Variants in SGCD observed in about 807,000 individuals in gnomAD.
SGCD encodes the protein sarcoglycan delta, also known as delta-sarcoglycan.
SGCD carries 18 observed loss-of-function variants against 36.6 expected under a neutral mutation model. The ratio of observed to expected loss-of-function variants is 0.49; its 90% confidence interval spans 0.34 to 0.73. The LOEUF (loss-of-function observed/expected upper bound fraction) is 0.73. Ranked by LOEUF, SGCD falls within the 30% of genes least tolerant of loss-of-function variation. The probability of loss-of-function intolerance (pLI) is 0.01; values close to 1 mark genes in which losing one functional copy is unlikely to be tolerated. For synonymous variants in SGCD, 133 were observed against 130.6 expected, an observed-to-expected ratio of 1.02 and a Z score of -0.12; for missense variants, 387 against 346.7, an observed-to-expected ratio of 1.12 and a Z score of -0.92.
intron 1 of SGCD, among the ~76,000 whole-genome samples, chr5:156,108,320 T>C (rs1761699094): frequency 6.6e-6 from 1 of 152,150 alleles, no homozygotes; most frequent in Non-Finnish European, 1.5e-5. Flanking sequence ...ATGTATAGGA[T>C]TTAACAGTTT....
At chr5:156,417,770 G>C (rs1215058335) in intron 3 of SGCD, among the ~76,000 whole-genome samples, 2 of 152,076 alleles carry the variant, frequency 1.3e-5, no homozygotes, top group Admixed American at 1.3e-4. Context: ...TAGAGGATTA[G>C]TGCTTCAACA....
intron 3 of SGCD, among the ~76,000 whole-genome samples, chr5:156,475,438 A>G (rs566539529): frequency 3.9e-5 from 6 of 152,290 alleles, no homozygotes; most frequent in Admixed American, 6.5e-5. Flanking sequence ...CAGAAGAGAA[A>G]AAGTATCTGC....
At chr5:156,326,565 C>A (rs894077835), upstream of SGCD, among the ~76,000 whole-genome samples, 1 of 152,168 alleles carries the variant, frequency 6.6e-6, no homozygotes, top group African/African-American at 2.4e-5. Flanking sequence ...AAATATTGCT[C>A]CCCCTCAAGC....
In SGCD at chr5:155,896,203, T is replaced by G. The variant is rs181810303; in HGVS notation, c.-282+25779T>G. ...TGCAATAGGAGAGAATGTGCTGGAA[T>G]GGACAGGCAAAGGATCAGAGTTCTA... On this transcript the variant is annotated intron_variant, in intron 1 of 9. Transcript: ENST00000517913. Among the ~76,000 whole-genome samples the G allele has an allele frequency of 2.6e-3, 400 of 152,308 alleles. 3 individuals are homozygous for G. Among genetic ancestry groups the G allele is most frequent in the African/African-American group, 8.1e-3 (336 of 41,576 alleles).
intron 1 of SGCD, among the ~76,000 whole-genome samples, chr5:155,966,732 A>C (rs575428428): frequency 1.4e-4 from 22 of 152,198 alleles, no homozygotes; most frequent in African/African-American, 5.3e-4. Context: ...AATTCACTGA[A>C]GTTGGTTAGC....
chr5:155,813,153 T>G, the SGCD span, among the ~76,000 whole-genome samples: 303 of 152,040 alleles, frequency 2.0e-3, 3 homozygotes, highest in African/African-American at 6.8e-3. Flanking sequence ...GTGGAGGGGA[T>G]GCGAGAGGAG....
intron 3 of SGCD, among the ~76,000 whole-genome samples, chr5:156,359,513 C>T (rs1039011683): frequency 6.6e-6 from 1 of 152,162 alleles, no homozygotes; most frequent in Non-Finnish European, 1.5e-5. Context: ...AAGCCACTTT[C>T]CTAAGGTTGC....
At chr5:156,201,368 T>A (rs555423744) in intron 3 of SGCD, among the ~76,000 whole-genome samples, 2 of 152,292 alleles carry the variant, frequency 1.3e-5, no homozygotes, top group East Asian at 3.9e-4. Flanking sequence ...GAAAGTATCA[T>A]CTTTGTGCAA....
intron 6 of SGCD, among the ~76,000 whole-genome samples, chr5:156,641,177 G>C (rs1460088812): frequency 6.6e-6 from 1 of 152,124 alleles, no homozygotes; most frequent in Non-Finnish European, 1.5e-5. Context: ...TGTTTCTAAG[G>C]CATTTCCTGT....
At chr5:156,148,676 C>T (rs1762764572) in intron 3 of SGCD, among the ~76,000 whole-genome samples, 1 of 152,096 alleles carries the variant, frequency 6.6e-6, no homozygotes. Context: ...ATTTCCGCAA[C>T]TGGTTACAGG....
intron 3 of SGCD, among the ~76,000 whole-genome samples, chr5:156,230,800 G>T (rs988686965): frequency 2.0e-5 from 3 of 152,112 alleles, no homozygotes; most frequent in Non-Finnish European, 4.4e-5. Flanking sequence ...TGGCTTTAGT[G>T]TCTTGCATAG....
At chr5:156,025,508 C>T (rs1318740667) in intron 1 of SGCD, among the ~76,000 whole-genome samples, 1 of 152,202 alleles carries the variant, frequency 6.6e-6, no homozygotes, top group Non-Finnish European at 1.5e-5. Context: ...TGTCTGTCTT[C>T]AAGATGGGTC....
Position 156,488,099 on chromosome 5 carries a change from T to TA in SGCD, c.193-20502_193-20501insA, listed in dbSNP as rs1491092802. On this transcript the variant is annotated intron_variant, in intron 3 of 8. Coordinates refer to ENST00000337851, the MANE Select transcript of SGCD (RefSeq NM_000337.6). Reference sequence around the variant, plus strand: ...AAGAACTTCTGAACTTGAAGACAGGTTTTTTTTTTTTTTTTTTTTTTTTTT... The same window carrying TA: ...AAGAACTTCTGAACTTGAAGACAGGTATTTTTTTTTTTTTTTTTTTTTTTTT... Among the ~76,000 whole-genome samples the TA allele has an allele frequency of 9.0e-3, 221 of 24,650 alleles. 2 individuals are homozygous for TA. Among genetic ancestry groups the TA allele is most frequent in the Non-Finnish European group, 0.015 (184 of 12,372 alleles). 16.2% of individuals were successfully genotyped at this position (24,650 alleles called of 152,430 possible). A position where few individuals can be genotyped will look rare whatever the true frequency, so the allele number is the denominator to read the frequency against.
intron 7 of SGCD, among the ~76,000 whole-genome samples, chr5:156,679,124 C>T (rs1753626376): frequency 6.6e-6 from 1 of 152,178 alleles, no homozygotes; most frequent in Non-Finnish European, 1.5e-5. Context: ...AGATTATCCT[C>T]TCCTGTAATA....
chr5:156,273,714 G>A (rs1272586192), intron 3 of SGCD, among the ~76,000 whole-genome samples: 1 of 152,188 alleles, frequency 6.6e-6, no homozygotes, highest in East Asian at 1.9e-4. Context: ...ATTTTTAAAA[G>A]TGGGAGGGCA....
At chr5:155,865,582 A>G (rs993522952), upstream of SGCD, among the ~76,000 whole-genome samples, 3 of 152,202 alleles carry the variant, frequency 2.0e-5, no homozygotes, top group Admixed American at 2.0e-4. Flanking sequence ...TTTTTACTCT[A>G]TTAACTTGAA....
intron 3 of SGCD, among the ~76,000 whole-genome samples, chr5:156,237,355 T>A (rs531494617): frequency 6.6e-6 from 1 of 152,080 alleles, no homozygotes; most frequent in South Asian, 2.1e-4. Context: ...CCGGGTGTGG[T>A]GCCTCATGCC....
intron 1 of SGCD, among the ~76,000 whole-genome samples, chr5:156,104,735 T>C (rs984909098): frequency 2.6e-5 from 4 of 152,224 alleles, no homozygotes; most frequent in African/African-American, 9.6e-5. Context: ...ATAGCAAAAT[T>C]GATAAAATCT....
At chr5:156,574,723 T>A (rs1431709428) in intron 4 of SGCD, among the ~76,000 whole-genome samples, 1 of 152,144 alleles carries the variant, frequency 6.6e-6, no homozygotes, top group East Asian at 1.9e-4. Flanking sequence ...CAAATCAGAT[T>A]GTATCTCTCC....
Sources: allele counts gnomAD v4.1 joint callset (sites outside exome capture counted in the v4.1 genomes callset), GRCh38; gene constraint gnomAD v4.1.1; transcripts MANE v1.5; gene names NCBI Gene and HGNC (gene_info 2026-07-23, HGNC 2026-07-21).